The following SNTB1 variants were observed in gnomAD, a reference collection of about 807,000 sequenced individuals.
SNTB1 encodes beta-1-syntrophin.
In SNTB1, 36 loss-of-function variants were observed where a neutral mutation model predicts 48.9. That is an observed-to-expected ratio of 0.74 (90% CI 0.56 to 0.97). The LOEUF (loss-of-function observed/expected upper bound fraction) is 0.97, where lower values mean the gene tolerates loss of function less well. Among genes scored for constraint, SNTB1 ranks in the 50% least tolerant of loss-of-function variants. SNTB1 has a pLI of 0.00. For synonymous variants in SNTB1, 299 were observed against 294.6 expected (o/e 1.01, Z -0.15); for missense variants, 786 against 703.4 (o/e 1.12, Z -1.33).
chr8:120,583,190 A>G (rs1365411567), intron 3 of SNTB1, among the ~76,000 whole-genome samples: 4 of 152,188 alleles, frequency 2.6e-5, no homozygotes, highest in African/African-American at 9.7e-5. Flanking sequence ...ACAAACTACT[A>G]AAGCATATTC....
chr8:120,552,242 A>G (rs1815493348), intron 4 of SNTB1, among the ~76,000 whole-genome samples: 1 of 152,244 alleles, frequency 6.6e-6, no homozygotes, highest in South Asian at 2.1e-4. Flanking sequence ...AGCTCAGGGT[A>G]TGAGGAATGG....
At chr8:120,635,111 G>T (rs1817052888) in intron 2 of SNTB1, among the ~76,000 whole-genome samples, 1 of 152,130 alleles carries the variant, frequency 6.6e-6, no homozygotes, top group South Asian at 2.1e-4. Flanking sequence ...TCCCCAATAA[G>T]ATACAAAAAT....
chr8:120,692,496 A>C (rs1389161897), intron 2 of SNTB1, among the ~76,000 whole-genome samples: 1 of 151,964 alleles, frequency 6.6e-6, no homozygotes, highest in Non-Finnish European at 1.5e-5. Context: ...TTTTCCTCCT[A>C]AAATATATGT....
intron 4 of SNTB1, among the ~76,000 whole-genome samples, chr8:120,551,000 G>A (rs573744168): frequency 6.6e-6 from 1 of 152,304 alleles, no homozygotes; most frequent in East Asian, 1.9e-4. Flanking sequence ...GCTCACTCCT[G>A]TAATCCCAGC....
chr8:120,690,439 T>C (rs774957460), intron 2 of SNTB1, among the ~76,000 whole-genome samples: 10 of 152,230 alleles, frequency 6.6e-5, no homozygotes, highest in Non-Finnish European at 1.3e-4. Flanking sequence ...TTCTGCAGTT[T>C]CCGCTATAAA....
chr8:120,755,189 CGAGA>C (rs976487997), intron 1 of SNTB1, among the ~76,000 whole-genome samples: 3 of 141,624 alleles, frequency 2.1e-5, no homozygotes, highest in Non-Finnish European at 3.1e-5. Flanking sequence ...AGAGAGAGAG[CGAGA>C]GAGAGAGAAG....
intron 2 of SNTB1, among the ~76,000 whole-genome samples, chr8:120,651,676 G>A (rs4871090): frequency 0.37 from 56,536 of 151,970 alleles, 12,325 homozygotes; most frequent in Non-Finnish European, 0.49. Context: ...ATTACATAAT[G>A]AACATATGGA....
intron 3 of SNTB1, 21 bp from the exon 4 acceptor site, chr8:120,575,246 C>T (rs1815932560): frequency 1.2e-6 from 2 of 1,614,098 alleles, no homozygotes; most frequent in East Asian, 2.2e-5. Flanking sequence ...AAGCAGAGAA[C>T]TGTCAAATGA....
chr8:120,553,459 A>G (rs80165250), intron 4 of SNTB1, among the ~76,000 whole-genome samples: 1,865 of 152,312 alleles, frequency 0.012, 40 homozygotes, highest in African/African-American at 0.043. Flanking sequence ...CTTTTCCCAG[A>G]TAAAACTCAA....
rs1236209696 is a variant in SNTB1 at position 120,601,170 on chromosome 8, C to A, written c.997-25945G>T. Among the ~76,000 whole-genome samples the A allele has an allele frequency of 3.9e-5, 6 of 152,022 alleles. No individual in the cohort carries two copies. The East Asian group carries it at 9.7e-4, about 25-fold the overall frequency. On this transcript the variant is annotated intron_variant, in intron 3 of 6. Transcript: ENST00000517992. ...GAACACTTTCACTCTGCGGAATAAT[C>A]CAAACCCCAGCAAAGAGATTTGCTA...
At chr8:120,656,181 T>C (rs1384988162) in intron 2 of SNTB1, among the ~76,000 whole-genome samples, 1 of 152,186 alleles carries the variant, frequency 6.6e-6, no homozygotes, top group South Asian at 2.1e-4. Flanking sequence ...TGATGGGGGC[T>C]AAGGAGATCA....
chr8:120,793,521 C>T (rs1820073577), intron 1 of SNTB1, among the ~76,000 whole-genome samples: 1 of 151,946 alleles, frequency 6.6e-6, no homozygotes, highest in Non-Finnish European at 1.5e-5. Context: ...AATGCTGTTC[C>T]CAAATGTGAT....
intron 4 of SNTB1, among the ~76,000 whole-genome samples, chr8:120,560,779 G>A (rs905196735): frequency 6.6e-6 from 1 of 152,166 alleles, no homozygotes; most frequent in Non-Finnish European, 1.5e-5. Flanking sequence ...AAAAGCGGAT[G>A]TTCACCAGGT....
At chr8:120,553,384 G>A (rs184336238) in intron 4 of SNTB1, among the ~76,000 whole-genome samples, 191 of 152,332 alleles carry the variant, frequency 1.3e-3, no homozygotes, top group African/African-American at 4.5e-3. Flanking sequence ...AGTACTGTAT[G>A]TAAACTCTGA....
intron 1 of SNTB1, among the ~76,000 whole-genome samples, chr8:120,707,085 T>G (rs1337046274): frequency 6.6e-6 from 1 of 152,174 alleles, no homozygotes; most frequent in Non-Finnish European, 1.5e-5. Flanking sequence ...ATTTTGAAAG[T>G]GCTTTATAGC....
chr8:120,779,486 A>G (rs1819794691), intron 1 of SNTB1, among the ~76,000 whole-genome samples: 1 of 152,082 alleles, frequency 6.6e-6, no homozygotes, highest in South Asian at 2.1e-4. Context: ...CTGGCAACAG[A>G]GTGAGACTCT....
intron 6 of SNTB1, among the ~76,000 whole-genome samples, chr8:120,539,608 A>C (rs2130640187): frequency 6.6e-6 from 1 of 152,348 alleles, no homozygotes; most frequent in Admixed American, 6.5e-5. Context: ...AGAACCTGGC[A>C]CATGCAAGAC....
In SNTB1 at chr8:120,811,613, CG is replaced by C. The variant is rs1353045954; in HGVS notation, c.230del (p.Pro77ArgfsTer37). The C allele has an allele frequency of 6.3e-7, 1 of 1,586,174 alleles. No individual in the cohort carries two copies. Among genetic ancestry groups the C allele is most frequent in the South Asian group, 1.1e-5 (1 of 87,776 alleles). The part of the protein sequence containing the change: ...SFCRGAGAGH[P>X]GAGGAQPPDS... ...CCGGGGGCTGCGCGCCGCCCGCGCC[CG>C]GGTGCCCAGCCCCGGCGCCCCTGCA... On this transcript the variant is annotated frameshift_variant, in exon 1 of 7. Transcript: ENST00000517992. LOFTEE classifies it high-confidence loss of function.
chr8:120,684,076 C>A (rs368605055), intron 2 of SNTB1, among the ~76,000 whole-genome samples: 2 of 152,150 alleles, frequency 1.3e-5, no homozygotes. Flanking sequence ...GATCAAGACA[C>A]TAGCAGATTT....
Sources: allele counts gnomAD v4.1 joint callset (sites outside exome capture counted in the v4.1 genomes callset), GRCh38; gene constraint gnomAD v4.1.1; transcripts MANE v1.5; gene names NCBI Gene and HGNC (gene_info 2026-07-23, HGNC 2026-07-21).